CCDC68: variants seen among roughly 807,000 people sequenced by gnomAD.
CCDC68 encodes coiled-coil domain containing 68, also known as coiled-coil domain-containing protein 68.
In CCDC68, 45 loss-of-function variants were observed where a neutral mutation model predicts 47.1. The ratio of observed to expected loss-of-function variants is 0.96; its 90% confidence interval spans 0.75 to 1.23. CCDC68 has a LOEUF of 1.23. CCDC68 is among the 50% of genes most tolerant of loss of function. CCDC68 has a pLI of 0.00. For missense variants in CCDC68, 353 were observed against 373.6 expected, an observed-to-expected ratio of 0.94 and a Z score of 0.45; for synonymous variants, 131 against 129.5, an observed-to-expected ratio of 1.01 and a Z score of -0.08.
intron 1 of CCDC68, among the ~76,000 whole-genome samples, chr18:54,958,398 T>C (rs1197294703): frequency 6.6e-6 from 1 of 152,204 alleles, no homozygotes; most frequent in East Asian, 1.9e-4. Context: ...CTTCAGTAGC[T>C]CTGAATATTT....
chr18:54,949,702 T>C (rs938596848), intron 1 of CCDC68, among the ~76,000 whole-genome samples: 1 of 152,196 alleles, frequency 6.6e-6, no homozygotes, highest in Non-Finnish European at 1.5e-5. Context: ...TGTATGAGTC[T>C]TGCAGGAAAG....
chr18:54,939,433 G>T (rs538850336), intron 4 of CCDC68, among the ~76,000 whole-genome samples: 1 of 152,184 alleles, frequency 6.6e-6, no homozygotes, highest in African/African-American at 2.4e-5. Context: ...CAGGAGGTCT[G>T]GGGTAGAGCC....
In CCDC68 at chr18:54,901,895, T is replaced by C. The variant is rs1032905109; in HGVS notation, c.*2463A>G. 3.3e-5 allele frequency: 5 copies of C among 152,114 alleles called. No homozygotes were observed. The highest frequency in any genetic ancestry group is 1.2e-4 in the African/African-American group (5 of 41,406). The allele number at this position is 152,114 out of a possible 1,614,324, so 9.4% of individuals were successfully genotyped here. Reference sequence around the variant, plus strand: ...TGTTTTTTCACTGAGAAGTGTTTTTTTTTTCATAAAAAAATATTTCAAATG... The same window carrying C: ...TGTTTTTTCACTGAGAAGTGTTTTTCTTTTCATAAAAAAATATTTCAAATG... On this transcript the variant is annotated 3_prime_UTR_variant, in exon 12 of 12. Transcript: ENST00000591504.
At chr18:54,935,785 T>C (rs1010810882) in intron 6 of CCDC68, among the ~76,000 whole-genome samples, 22 of 152,176 alleles carry the variant, frequency 1.4e-4, no homozygotes, top group African/African-American at 2.9e-4. Flanking sequence ...CTGAGGACCT[T>C]CTTAGAGCCT....
intron 10 of CCDC68, among the ~76,000 whole-genome samples, chr18:54,910,263 AGCTC>A (rs1914280025): frequency 1.3e-5 from 2 of 152,146 alleles, no homozygotes; most frequent in Admixed American, 6.5e-5. Flanking sequence ...TCGTCTGTGC[AGCTC>A]TCATCAAAGA....
At chr18:54,920,335 C>T (rs1471008771) in intron 8 of CCDC68, among the ~76,000 whole-genome samples, 3 of 151,024 alleles carry the variant, frequency 2.0e-5, no homozygotes, top group Admixed American at 6.6e-5. Flanking sequence ...CTTGGCTCAC[C>T]GCAACCACCA....
At chr18:54,918,765 G>A (rs2044000502) in intron 9 of CCDC68, among the ~76,000 whole-genome samples, 1 of 152,328 alleles carries the variant, frequency 6.6e-6, no homozygotes, top group Non-Finnish European at 1.5e-5. Flanking sequence ...CCAGATCAAT[G>A]CATATCTTGA....
chr18:54,918,673 G>A (rs766087887), intron 9 of CCDC68, among the ~76,000 whole-genome samples: 1 of 152,192 alleles, frequency 6.6e-6, no homozygotes, highest in African/African-American at 2.4e-5. Context: ...GGAAGGCTCT[G>A]GAGTATTTGG....
intron 1 of CCDC68, among the ~76,000 whole-genome samples, chr18:54,950,402 C>T (rs113770629): frequency 0.011 from 1,636 of 152,302 alleles, 32 homozygotes; most frequent in African/African-American, 0.035. Context: ...CTACATTACA[C>T]AGCACAATGG....
intron 5 of CCDC68, 116 bp from the exon 6 acceptor site, chr18:54,937,074 A>G: frequency 1.1e-6 from 1 of 909,772 alleles, no homozygotes; most frequent in East Asian, 2.5e-5. Context: ...TTACAGCCTC[A>G]TAGACAATGG....
chr18:54,937,771 C>A (rs1030991383), intron 5 of CCDC68, 186 bp downstream of exon 5: 1 of 459,506 alleles, frequency 2.2e-6, no homozygotes, highest in Non-Finnish European at 3.9e-6. Flanking sequence ...AAAGAAGCCT[C>A]AAAAATAAAA....
chr18:54,954,991 T>TAA (rs11439839), intron 1 of CCDC68, among the ~76,000 whole-genome samples: 4 of 151,828 alleles, frequency 2.6e-5, no homozygotes, highest in South Asian at 2.1e-4. Context: ...TTGTAGATGT[T>TAA]AAAAAAAATA....
intron 1 of CCDC68, among the ~76,000 whole-genome samples, chr18:54,948,392 T>C (rs2044560659): frequency 6.6e-6 from 1 of 152,114 alleles, no homozygotes; most frequent in Admixed American, 6.5e-5. Context: ...GGGAGAGGCA[T>C]GAAACAGATC....
intron 7 of CCDC68, 83 bp from the exon 8 acceptor site, chr18:54,928,965 G>A: frequency 1.3e-6 from 1 of 754,742 alleles, no homozygotes; most frequent in Non-Finnish European, 2.3e-6. Flanking sequence ...TATAACTATG[G>A]CTTGAGCTAA....
At chr18:54,909,376 CTTTCTTT>C (rs1249017340) in intron 10 of CCDC68, among the ~76,000 whole-genome samples, 1 of 99,556 alleles carries the variant, frequency 1.0e-5, no homozygotes. Flanking sequence ...AAGGTATTTT[CTTTCTTT>C]TTTTTTTTTT....
intron 10 of CCDC68, among the ~76,000 whole-genome samples, chr18:54,912,066 C>T (rs1599027686): frequency 6.6e-6 from 1 of 152,114 alleles, no homozygotes; most frequent in African/African-American, 2.4e-5. Flanking sequence ...ACATAGTTTT[C>T]ACAAAGAATA....
chr18:54,936,276 T>C (rs888492312), intron 6 of CCDC68, among the ~76,000 whole-genome samples: 1 of 145,978 alleles, frequency 6.9e-6, no homozygotes, highest in Non-Finnish European at 1.5e-5. Context: ...TATAGTTATA[T>C]ATTTTTAAAT....
intron 11 of CCDC68, among the ~76,000 whole-genome samples, chr18:54,906,012 T>C (rs1913986272): frequency 6.6e-6 from 1 of 152,114 alleles, no homozygotes; most frequent in Non-Finnish European, 1.5e-5. Flanking sequence ...TGGCTAGTTG[T>C]AGGAAAACAA....
At chr18:54,936,736 C>T (rs2145553379) in intron 6 of CCDC68, 97 bp downstream of exon 6, 1 of 1,450,836 alleles carries the variant, frequency 6.9e-7, no homozygotes, top group Non-Finnish European at 9.5e-7. Context: ...AGTCACTTGG[C>T]CATTGCTTGT....
Sources: gnomAD v4.1 joint callset for allele counts (sites outside exome capture counted in the v4.1 genomes callset) on GRCh38, gnomAD v4.1.1 for gene constraint, MANE v1.5 for transcripts, NCBI Gene and HGNC (gene_info 2026-07-23, HGNC 2026-07-21) for gene names.